The following STAG1 variants were observed in gnomAD, a reference collection of about 807,000 sequenced individuals.
The protein encoded by STAG1 is cohesin subunit SA-1.
A neutral mutation model predicts 170.9 loss-of-function variants in STAG1; 26 were observed. That is an observed-to-expected ratio of 0.15 (90% CI 0.11 to 0.21). STAG1 has a LOEUF of 0.21. STAG1 is among the 10% of genes least tolerant of loss of function. The pLI is 1.00. For synonymous variants in STAG1, 514 were observed against 497.7 expected (o/e 1.03, Z -0.44); for missense variants, 964 against 1,509.5 (o/e 0.64, Z 5.99).
intron 4 of STAG1, 55 bp downstream of exon 4, chr3:136,604,254 C>T (rs1489803428): frequency 2.0e-6 from 3 of 1,507,848 alleles, no homozygotes; most frequent in Admixed American, 4.2e-5. Flanking sequence ...TAACTGATTC[C>T]ACCCAAGTTA....
At chr3:136,529,872 A>C (rs1453878189) in intron 6 of STAG1, among the ~76,000 whole-genome samples, 1 of 152,216 alleles carries the variant, frequency 6.6e-6, no homozygotes. Context: ...TATGACAGGA[A>C]CAAAGGGTCA....
intron 24 of STAG1, among the ~76,000 whole-genome samples, chr3:136,368,156 T>TA (rs1937152261): frequency 1.3e-5 from 2 of 152,172 alleles, no homozygotes; most frequent in African/African-American, 4.8e-5. Flanking sequence ...ATATAGACTC[T>TA]AAATAAACAT....
chr3:136,448,357 C>T (rs1427430821), intron 14 of STAG1, among the ~76,000 whole-genome samples: 1 of 152,114 alleles, frequency 6.6e-6, no homozygotes, highest in Non-Finnish European at 1.5e-5. Flanking sequence ...ACTCACAAAA[C>T]AGATCCACAT....
chr3:136,662,150 A>G (rs1452460384), intron 1 of STAG1, among the ~76,000 whole-genome samples: 2 of 137,858 alleles, frequency 1.5e-5, no homozygotes, highest in South Asian at 2.3e-4. Context: ...ACACAGTTAG[A>G]CTCTTTTTTT....
intron 1 of STAG1, among the ~76,000 whole-genome samples, chr3:136,692,990 G>A (rs1274493127): frequency 6.6e-6 from 1 of 152,202 alleles, no homozygotes; most frequent in Admixed American, 6.5e-5. Context: ...TCTTCGGTGT[G>A]TGGGACACCG....
At chr3:136,678,454 A>C (rs1011909184) in intron 1 of STAG1, among the ~76,000 whole-genome samples, 1 of 151,720 alleles carries the variant, frequency 6.6e-6, no homozygotes, top group African/African-American at 2.4e-5. Flanking sequence ...AGTGTTGAGA[A>C]TCTCCAAGCA....
At chr3:136,484,182 G>A (rs1559832409) in intron 9 of STAG1, among the ~76,000 whole-genome samples, 1 of 150,868 alleles carries the variant, frequency 6.6e-6, no homozygotes, top group Non-Finnish European at 1.5e-5. Flanking sequence ...CAGTTTTTCT[G>A]TTCTGTTTTT....
intron 29 of STAG1, among the ~76,000 whole-genome samples, chr3:136,346,684 CAG>C (rs1216534092): frequency 1.3e-5 from 2 of 152,126 alleles, no homozygotes; most frequent in African/African-American, 2.4e-5. Flanking sequence ...CGCTATGTGC[CAG>C]AGACTGACTT....
intron 15 of STAG1, among the ~76,000 whole-genome samples, chr3:136,439,136 C>T (rs1229649600): frequency 1.5e-5 from 2 of 136,492 alleles, no homozygotes; most frequent in Non-Finnish European, 1.5e-5. Flanking sequence ...GCGGAGGTTG[C>T]AGTGAGCCGA....
At chr3:136,430,430 A>C (rs1252853145) in intron 16 of STAG1, among the ~76,000 whole-genome samples, 1 of 152,138 alleles carries the variant, frequency 6.6e-6, no homozygotes, top group East Asian at 1.9e-4. Flanking sequence ...TTTTGCTCCA[A>C]TATAGTTCCA....
chr3:136,609,516 A>G (rs1265422121), intron 3 of STAG1: 1 of 153,114 alleles, frequency 6.5e-6, no homozygotes, highest in Non-Finnish European at 1.5e-5. Context: ...TAACCAAAAA[A>G]CTATAGATTT....
At position 136,422,397 on chromosome 3, in the gene STAG1, C is replaced by T; in HGVS notation, c.2037+13G>A. On this transcript the variant is annotated intron_variant, in intron 19 of 33. Transcript: ENST00000383202. ...CAATATTATTATATGTACACATTAA[C>T]TTTAGAACAGACCTCTTGCAATAGG... The T allele has an allele frequency of 1.2e-6, 2 of 1,611,876 alleles. No homozygotes were observed. Among genetic ancestry groups the T allele is most frequent in the Non-Finnish European group, 8.5e-7 (1 of 1,178,158 alleles).
At chr3:136,733,130 G>C (rs953250797) in intron 1 of STAG1, among the ~76,000 whole-genome samples, 1 of 148,470 alleles carries the variant, frequency 6.7e-6, no homozygotes, top group African/African-American at 2.5e-5. Context: ...TGTCACCCAG[G>C]CTGGAGTGCA....
chr3:136,741,004 T>A (rs113379152), intron 1 of STAG1, among the ~76,000 whole-genome samples: 7 of 152,224 alleles, frequency 4.6e-5, no homozygotes, highest in African/African-American at 1.4e-4. Flanking sequence ...GGAAGACAAC[T>A]CTCCATGGAG....
intron 1 of STAG1, among the ~76,000 whole-genome samples, chr3:136,633,743 T>C (rs1353550845): frequency 1.8e-4 from 22 of 119,684 alleles, no homozygotes; most frequent in Admixed American, 1.0e-3. Context: ...ACAGATATTA[T>C]AGGCCGAGGC....
chr3:136,421,807 G>A (rs1381219150), intron 19 of STAG1, among the ~76,000 whole-genome samples: 1 of 151,554 alleles, frequency 6.6e-6, no homozygotes, highest in Non-Finnish European at 1.5e-5. Context: ...ATATTAAAAT[G>A]TAAATTAGGT....
intron 21 of STAG1, among the ~76,000 whole-genome samples, chr3:136,409,164 A>T (rs1235174566): frequency 2.0e-5 from 3 of 152,018 alleles, no homozygotes; most frequent in Non-Finnish European, 2.9e-5. Flanking sequence ...CTCGGGAGGC[A>T]GAGGCAGGAG....
intron 6 of STAG1, among the ~76,000 whole-genome samples, chr3:136,531,925 G>T (rs779182005): frequency 7.6e-6 from 1 of 131,892 alleles, no homozygotes; most frequent in Non-Finnish European, 1.6e-5. Context: ...AAAAAAAAAA[G>T]AGTAGTAAGG....
At chr3:136,422,200 A>G (rs1185985073) in intron 19 of STAG1, among the ~76,000 whole-genome samples, 1 of 151,906 alleles carries the variant, frequency 6.6e-6, no homozygotes, top group Non-Finnish European at 1.5e-5. Flanking sequence ...AAGAAATTCT[A>G]GTTTTTATGA....
Sources: allele counts gnomAD v4.1 joint callset (sites outside exome capture counted in the v4.1 genomes callset), GRCh38; gene constraint gnomAD v4.1.1; transcripts MANE v1.5; gene names NCBI Gene and HGNC (gene_info 2026-07-23, HGNC 2026-07-21).